The following TEAD1 variants were observed in gnomAD, a reference collection of about 807,000 sequenced individuals.
TEAD1 encodes the protein transcriptional enhancer factor TEF-1.
TEAD1 carries 9 observed loss-of-function variants against 54.9 expected under a neutral mutation model. That is an observed-to-expected ratio of 0.16 (90% CI 0.10 to 0.29). The LOEUF is 0.29. Among genes scored for constraint, TEAD1 ranks in the 10% least tolerant of loss-of-function variants. TEAD1 has a pLI of 1.00. For missense variants in TEAD1, 387 were observed against 535.9 expected (o/e 0.72, Z 2.74); for synonymous variants, 200 against 187.8 (o/e 1.07, Z -0.53).
intron 2 of TEAD1, among the ~76,000 whole-genome samples, chr11:12,741,518 A>G (rs185435895): frequency 2.7e-4 from 41 of 152,274 alleles, no homozygotes; most frequent in Admixed American, 2.7e-3. Flanking sequence ...AGAGGTTTAA[A>G]ATAACCCCTT....
chr11:12,802,710 C>A (rs569585786), intron 3 of TEAD1, among the ~76,000 whole-genome samples: 2 of 152,250 alleles, frequency 1.3e-5, no homozygotes, highest in South Asian at 4.2e-4. Context: ...CCGACCCGAC[C>A]GGGTCTCAGG....
At chr11:12,875,103 C>T (rs925191788) in intron 5 of TEAD1, among the ~76,000 whole-genome samples, 1 of 152,210 alleles carries the variant, frequency 6.6e-6, no homozygotes, top group Non-Finnish European at 1.5e-5. Context: ...AAACAATGTG[C>T]TCACCTTTGT....
intron 5 of TEAD1, among the ~76,000 whole-genome samples, chr11:12,872,429 G>C (rs1947768730): frequency 6.6e-6 from 1 of 152,150 alleles, no homozygotes; most frequent in South Asian, 2.1e-4. Flanking sequence ...AATCTTCAGG[G>C]GGAGTTCTTT....
At chr11:12,856,438 G>C (rs1459730500) in intron 3 of TEAD1, among the ~76,000 whole-genome samples, 1 of 152,170 alleles carries the variant, frequency 6.6e-6, no homozygotes, top group African/African-American at 2.4e-5. Context: ...CAGCTGGTAG[G>C]TTCATGAAGG....
intron 3 of TEAD1, among the ~76,000 whole-genome samples, chr11:12,816,480 G>A (rs1946418543): frequency 6.6e-6 from 1 of 152,080 alleles, no homozygotes; most frequent in Non-Finnish European, 1.5e-5. Context: ...CCCCCTTTTT[G>A]GTATTTGTAG....
chr11:12,882,708 G>T (rs971445569), intron 8 of TEAD1, among the ~76,000 whole-genome samples: 5 of 152,186 alleles, frequency 3.3e-5, no homozygotes, highest in Non-Finnish European at 7.3e-5. Context: ...GTCATTCTTG[G>T]CTTGGTCCCC....
At chr11:12,714,448 G>T (rs960741069) in intron 2 of TEAD1, among the ~76,000 whole-genome samples, 2 of 152,100 alleles carry the variant, frequency 1.3e-5, no homozygotes, top group Non-Finnish European at 2.9e-5. Context: ...CTGGAGTGCG[G>T]TGGTGGACCA....
intron 3 of TEAD1, 50 bp from the exon 4 acceptor site, chr11:12,862,200 G>T: frequency 6.7e-7 from 1 of 1,484,826 alleles, no homozygotes; most frequent in Non-Finnish European, 9.4e-7. Flanking sequence ...GGGCTTTGTT[G>T]GTTTGGTGTT....
chr11:12,922,097 C>T (rs886603124), intron 10 of TEAD1, among the ~76,000 whole-genome samples: 1 of 152,054 alleles, frequency 6.6e-6, no homozygotes, highest in African/African-American at 2.4e-5. Context: ...ATTAGAAGCA[C>T]CTGAGACAAG....
chr11:12,839,228 T>C (rs1420747035), intron 3 of TEAD1, among the ~76,000 whole-genome samples: 1 of 151,820 alleles, frequency 6.6e-6, no homozygotes, highest in Non-Finnish European at 1.5e-5. Context: ...CTGGCTAACA[T>C]AGTGAAACAC....
intron 2 of TEAD1, among the ~76,000 whole-genome samples, chr11:12,718,211 G>A (rs1458753452): frequency 6.6e-6 from 1 of 152,114 alleles, no homozygotes; most frequent in Non-Finnish European, 1.5e-5. Context: ...TGTGAGTAGT[G>A]GTTCACGGAG....
chr11:12,859,309 G>GAGACATTTTT lies in TEAD1; in HGVS notation c.203-2941_203-2940insAGACATTTTT, dbSNP rs1564966590. Among the ~76,000 whole-genome samples, 1,078 of 152,276 alleles carry GAGACATTTTT rather than the reference G, an allele frequency of 7.1e-3. 13 individuals are homozygous for GAGACATTTTT. The highest frequency in any genetic ancestry group is 0.025 in the African/African-American group (1,021 of 41,530). ...TTCCCAGAAAATAAACAAGTTTGAG[G>GAGACATTTTT]GTAGGAGACATTTTTGTCATCTGGA... is the stretch of plus-strand genomic sequence containing the variant. On this transcript the variant is annotated intron_variant, in intron 3 of 12. Coordinates refer to ENST00000527636, the MANE Select transcript of TEAD1 (RefSeq NM_021961.6).
At chr11:12,771,427 G>A (rs906208414) in intron 3 of TEAD1, among the ~76,000 whole-genome samples, 1 of 152,176 alleles carries the variant, frequency 6.6e-6, no homozygotes, top group Non-Finnish European at 1.5e-5. Context: ...AGGCGGTGCT[G>A]GTAGGAGGAG....
chr11:12,716,550 A>T (rs2133859353), intron 2 of TEAD1, among the ~76,000 whole-genome samples: 2 of 152,118 alleles, frequency 1.3e-5, no homozygotes, highest in South Asian at 4.2e-4. Context: ...GGGTCAGAAA[A>T]CTTTTTCTGG....
chr11:12,783,470 A>G (rs995376524), intron 3 of TEAD1, among the ~76,000 whole-genome samples: 1 of 151,952 alleles, frequency 6.6e-6, no homozygotes, highest in African/African-American at 2.4e-5. Flanking sequence ...CTCTGCTAAG[A>G]TGCATTTATT....
intron 2 of TEAD1, among the ~76,000 whole-genome samples, chr11:12,677,872 C>T (rs1943130308): frequency 6.6e-6 from 1 of 152,184 alleles, no homozygotes; most frequent in Non-Finnish European, 1.5e-5. Context: ...ACTTTTCTCT[C>T]TAATCTCATG....
At chr11:12,835,688 C>G (rs903723331) in intron 3 of TEAD1, among the ~76,000 whole-genome samples, 6 of 151,910 alleles carry the variant, frequency 3.9e-5, no homozygotes, top group Admixed American at 3.3e-4. Context: ...TATGGCTGGC[C>G]TAGAAGAATG....
chr11:12,936,513 C>G (rs1343015422), intron 12 of TEAD1, among the ~76,000 whole-genome samples: 1 of 152,076 alleles, frequency 6.6e-6, no homozygotes, highest in South Asian at 2.1e-4. Context: ...TATTGTGAAA[C>G]AAGATTTAGC....
At chr11:12,784,583 G>A (rs1471618914) in intron 3 of TEAD1, among the ~76,000 whole-genome samples, 1 of 152,220 alleles carries the variant, frequency 6.6e-6, no homozygotes, top group East Asian at 1.9e-4. Flanking sequence ...GAGCAGGGGA[G>A]TCTGAATTCA....
Sources: gnomAD v4.1 joint callset for allele counts (sites outside exome capture counted in the v4.1 genomes callset) on GRCh38, gnomAD v4.1.1 for gene constraint, MANE v1.5 for transcripts, NCBI Gene and HGNC (gene_info 2026-07-23, HGNC 2026-07-21) for gene names.